Variants in MCM9 observed in about 807,000 individuals in gnomAD.
MCM9 encodes the protein DNA helicase MCM9.
A neutral mutation model predicts 72.8 loss-of-function variants in MCM9; 55 were observed. The observed-to-expected ratio is 0.76, with a 90% confidence interval of 0.61 to 0.95. MCM9 has a LOEUF of 0.95. Ranked by LOEUF, MCM9 falls within the 40% of genes least tolerant of loss-of-function variation. The probability of loss-of-function intolerance (pLI) is 0.00; values close to 1 mark genes in which losing one functional copy is unlikely to be tolerated. For synonymous variants in MCM9, 480 were observed against 503.4 expected (o/e 0.95, Z 0.62); for missense variants, 1,279 against 1,377.0 (o/e 0.93, Z 1.13).
chr6:118,881,457 C>T (rs767399509), intron 8 of MCM9, among the ~76,000 whole-genome samples: 15 of 152,188 alleles, frequency 9.9e-5, no homozygotes, highest in Non-Finnish European at 1.9e-4. Context: ...ATTCAGTGAG[C>T]GAGTCAATGT....
intron 9 of MCM9, among the ~76,000 whole-genome samples, chr6:118,844,877 A>G (rs1492243): frequency 0.076 from 11,467 of 151,828 alleles, 817 homozygotes; most frequent in East Asian, 0.19. Context: ...TATATTTCTT[A>G]AGTGATTCTT....
chr6:118,924,913 G>A (rs1781758852), intron 3 of MCM9, among the ~76,000 whole-genome samples: 1 of 152,038 alleles, frequency 6.6e-6, no homozygotes, highest in Admixed American at 6.6e-5. Context: ...GCATGGTGGT[G>A]CATGCCTATA....
chr6:118,904,278 T>C (rs1437477189), intron 8 of MCM9, among the ~76,000 whole-genome samples: 1 of 152,026 alleles, frequency 6.6e-6, no homozygotes, highest in Non-Finnish European at 1.5e-5. Flanking sequence ...CTGACTGAGG[T>C]TTTTAGCCTA....
At chr6:118,925,072 G>A (rs1049002261) in intron 3 of MCM9, among the ~76,000 whole-genome samples, 1 of 151,696 alleles carries the variant, frequency 6.6e-6, no homozygotes, top group Non-Finnish European at 1.5e-5. Flanking sequence ...GAGGGAGGAA[G>A]GAAGGAGGGA....
At chr6:118,904,565 A>G (rs1342395056) in intron 8 of MCM9, among the ~76,000 whole-genome samples, 5 of 152,074 alleles carry the variant, frequency 3.3e-5, no homozygotes, top group African/African-American at 1.2e-4. Flanking sequence ...CCTGCACCCT[A>G]CCACGGATGG....
intron 8 of MCM9, among the ~76,000 whole-genome samples, chr6:118,900,165 CAG>C (rs140715396): frequency 0.021 from 3,248 of 152,206 alleles, 53 homozygotes; most frequent in Middle Eastern, 0.037. Flanking sequence ...ATGTATGACA[CAG>C]GGGGGTGCCG....
intron 8 of MCM9, chr6:118,907,597 C>G (rs1275030057): frequency 6.2e-7 from 1 of 1,613,248 alleles, no homozygotes; most frequent in African/African-American, 1.3e-5. Flanking sequence ...GTTAGAATCC[C>G]ACATGGACTG....
chr6:118,892,557 A>C (rs1452595721), intron 8 of MCM9, among the ~76,000 whole-genome samples: 1 of 152,220 alleles, frequency 6.6e-6, no homozygotes, highest in Admixed American at 6.5e-5. Context: ...TTAATCTTCA[A>C]ATGGTCATTT....
At chr6:118,873,158 T>G (rs1777712326) in intron 8 of MCM9, among the ~76,000 whole-genome samples, 1 of 118,778 alleles carries the variant, frequency 8.4e-6, no homozygotes, top group African/African-American at 3.4e-5. Flanking sequence ...GGTAACACAG[T>G]GAGACAGGAA....
Position 118,856,505 on chromosome 6 carries a change from A to T in MCM9, c.1191T>A (p.Asn397Lys). The change falls in exon 9 of 14, where the codon AAT (asparagine) becomes AAA (lysine). Residue 397 changes from asparagine (N) to lysine (K), a missense_variant. By Grantham distance (94) the Asn-to-Lys change is moderately conservative. Coordinates refer to ENST00000619706, the MANE Select transcript of MCM9 (RefSeq NM_017696.3). ...VTAVKDSGEW[N>K]LEAGALVLAD... ...CAAGAACTAATGCCCCAGCCTCCAAATTCCATTCTCCTGAGTCTTTTACAG... is the reference window on the plus strand; with the variant it reads ...CAAGAACTAATGCCCCAGCCTCCAATTTCCATTCTCCTGAGTCTTTTACAG... The T allele has an allele frequency of 6.5e-7, 1 of 1,535,624 alleles. No homozygotes were observed. Among genetic ancestry groups the T allele is most frequent in the Non-Finnish European group, 8.7e-7 (1 of 1,146,864 alleles).
Position 118,815,903 on chromosome 6 carries a change from C to T in MCM9, c.2353G>A (p.Glu785Lys), listed in dbSNP as rs1773382373. Reference protein sequence around the residue: ...KISNSTSQGKEKSEPGQRSKV... With the variant: ...KISNSTSQGKKKSEPGQRSKV... ...CTCCTTTGGCCTGGCTCACTCTTCT[C>T]CTTACCCTGAGATGTGCTGTTAGAG... Residue 785 changes from glutamate (E) to lysine (K), a missense_variant, in exon 14 of 14, where the codon GAG (glutamate) becomes AAG (lysine). Coordinates refer to ENST00000619706, the MANE Select transcript of MCM9 (RefSeq NM_017696.3). The T allele has an allele frequency of 1.9e-6, 3 of 1,545,724 alleles. No individual in the cohort carries two copies. In the South Asian group the frequency reaches 3.6e-5, roughly 18 times the overall value.
rs1218490816 is a variant in MCM9, at chr6:118,814,687, C to G, written c.*137G>C. On this transcript the variant is annotated 3_prime_UTR_variant, in exon 14 of 14. Transcript: ENST00000619706. Reference sequence around the variant, plus strand: ...TGAAGATTAACCTGAAATTAGAAAGCCTTAAGGGGGAGCCAGTATTCAGAG... The same window carrying G: ...TGAAGATTAACCTGAAATTAGAAAGGCTTAAGGGGGAGCCAGTATTCAGAG... The G allele has an allele frequency of 3.7e-6, 3 of 821,722 alleles. No homozygotes were observed. Among genetic ancestry groups the G allele is most frequent in the Non-Finnish European group, 1.8e-6 (1 of 556,170 alleles). The allele number at this position is 821,722 out of a possible 1,614,324, so 50.9% of individuals were successfully genotyped here.
intron 8 of MCM9, among the ~76,000 whole-genome samples, chr6:118,888,739 G>T (rs1325839583): frequency 6.6e-6 from 1 of 151,826 alleles, no homozygotes; most frequent in Non-Finnish European, 1.5e-5. Flanking sequence ...AAAATTATTG[G>T]GTAATAAAAA....
intron 8 of MCM9, among the ~76,000 whole-genome samples, chr6:118,900,432 C>T (rs1285912789): frequency 6.6e-6 from 1 of 152,180 alleles, no homozygotes; most frequent in Non-Finnish European, 1.5e-5. Flanking sequence ...GTGTTCTTTA[C>T]TGAAGGATAT....
chr6:118,814,033 TAC>T lies in MCM9; in HGVS notation c.*789_*790del, dbSNP rs1773263876. 1 of 152,264 alleles carries T rather than the reference TAC, an allele frequency of 6.6e-6. No homozygotes were observed. Among genetic ancestry groups the T allele is most frequent in the Non-Finnish European group, 1.5e-5 (1 of 68,096 alleles). 9.4% of individuals were successfully genotyped at this position (152,264 alleles called of 1,614,324 possible). On this transcript the variant is annotated 3_prime_UTR_variant, in exon 14 of 14. Transcript: ENST00000619706. ...CTCAGCCTCCCCGAGTAGCTAGGAC[TAC>T]AGGAGTGAGTCACTGTGCCTGGCTC...
At position 118,852,665 on chromosome 6, in the gene MCM9, C is replaced by G. The variant is rs185996807; in HGVS notation, c.1325+3706G>C. On this transcript the variant is annotated intron_variant, in intron 9 of 13. Coordinates refer to ENST00000619706, the MANE Select transcript of MCM9 (RefSeq NM_017696.3). ...AAGTGTTTGGAAACTTCAATAGCAA[C>G]TGGGCAGAGTGAATTCATGTCTGTT... Among the ~76,000 whole-genome samples the G allele has an allele frequency of 7.4e-4, 113 of 152,304 alleles. 1 individual carries two copies. Among genetic ancestry groups the G allele is most frequent in the Non-Finnish European group, 8.2e-4 (56 of 68,012 alleles).
intron 8 of MCM9, among the ~76,000 whole-genome samples, chr6:118,887,044 C>T (rs145109373): frequency 0.55 from 84,057 of 152,102 alleles, 23,903 homozygotes; most frequent in East Asian, 0.65. Context: ...TGGAAGGCAG[C>T]ATCATGAAGA....
At chr6:118,860,809 G>C (rs1283571409) in intron 8 of MCM9, among the ~76,000 whole-genome samples, 3 of 152,208 alleles carry the variant, frequency 2.0e-5, no homozygotes, top group African/African-American at 4.8e-5. Context: ...GACCAGAGTG[G>C]GGATGGTTTA....
At chr6:118,893,935 A>ACGCCTCCCCGCCGCAGCCC in intron 8 of MCM9, 8 of 846,530 alleles carry the variant, frequency 9.5e-6, no homozygotes, top group Non-Finnish European at 9.9e-6. Flanking sequence ...CGCCGCAGCC[A>ACGCCTCCCCGCCGCAGCCC]CGCCTCCCCG....
Sources: allele counts gnomAD v4.1 joint callset (sites outside exome capture counted in the v4.1 genomes callset), GRCh38; gene constraint gnomAD v4.1.1; transcripts MANE v1.5; gene names NCBI Gene and HGNC (gene_info 2026-07-23, HGNC 2026-07-21).